Variants in GPC6 observed in about 807,000 individuals in gnomAD.
GPC6 encodes the protein glypican-6.
A neutral mutation model predicts 55.2 loss-of-function variants in GPC6; 14 were observed. The ratio of observed to expected loss-of-function variants is 0.25; its 90% CI spans 0.17 to 0.40. The LOEUF (loss-of-function observed/expected upper bound fraction) is 0.40. Among genes scored for constraint, GPC6 ranks in the 10% least tolerant of loss-of-function variants. GPC6 has a pLI of 1.00. For synonymous variants in GPC6, 278 were observed against 259.6 expected (o/e 1.07, Z -0.68); for missense variants, 641 against 708.5 (o/e 0.90, Z 1.08).
intron 2 of GPC6, among the ~76,000 whole-genome samples, chr13:93,741,059 A>G (rs958506374): frequency 2.0e-5 from 3 of 151,838 alleles, no homozygotes; most frequent in Non-Finnish European, 4.4e-5. Context: ...AATATATCAC[A>G]AAGTTAGTTT....
chr13:93,798,364 A>G (rs1886266395), intron 2 of GPC6, among the ~76,000 whole-genome samples: 1 of 152,170 alleles, frequency 6.6e-6, no homozygotes, highest in South Asian at 2.1e-4. Context: ...TTTCAGCCAA[A>G]CAGGTGATAA....
chr13:93,965,689 C>G (rs1341780772), intron 3 of GPC6, among the ~76,000 whole-genome samples: 1 of 152,028 alleles, frequency 6.6e-6, no homozygotes, highest in Non-Finnish European at 1.5e-5. Context: ...ACTGCCAGTC[C>G]GTTATCTGCC....
chr13:93,547,407 T>C (rs1016296594), intron 2 of GPC6, among the ~76,000 whole-genome samples: 1 of 152,158 alleles, frequency 6.6e-6, no homozygotes, highest in South Asian at 2.1e-4. Context: ...ACTTACTTCT[T>C]GTATTATATC....
intron 6 of GPC6, among the ~76,000 whole-genome samples, chr13:94,380,126 T>C (rs1391235563): frequency 6.6e-6 from 1 of 152,210 alleles, no homozygotes; most frequent in African/African-American, 2.4e-5. Context: ...TCTGTGTATC[T>C]GGTTTAGATT....
rs142412661 is a variant in GPC6, at chr13:94,193,765, A to C, written c.878-92584A>C. ...GTCGTCATGCAGTGAAAGTTCTTTA[A>C]ATCTAGACCCCTTATCTCTTTCATG... On this transcript the variant is annotated intron_variant, in intron 4 of 8. Coordinates refer to ENST00000377047, the MANE Select transcript of GPC6 (RefSeq NM_005708.5). 7.2e-5 allele frequency among the ~76,000 whole-genome samples: 11 copies of C among 152,344 alleles called. No homozygotes were observed. In the East Asian group the frequency reaches 2.1e-3, roughly 29 times the overall value.
rs531357339 is a variant in GPC6, at chr13:93,828,451, C to T, written c.320-1703C>T. Among the ~76,000 whole-genome samples the T allele has an allele frequency of 4.6e-5, 7 of 152,118 alleles. No individual in the cohort carries two copies. In the South Asian group the frequency reaches 1.5e-3, roughly 32 times the overall value. On this transcript the variant is annotated intron_variant, in intron 2 of 8. Transcript: ENST00000377047. ...AAAAAGTATGAAATTCTCTTGATTTCCTAAAATGATAAGCAATATCAGCAT... is the reference window on the plus strand; with the variant it reads ...AAAAAGTATGAAATTCTCTTGATTTTCTAAAATGATAAGCAATATCAGCAT...
At chr13:94,292,262 C>CTAACCT (rs1875028235) in intron 5 of GPC6, among the ~76,000 whole-genome samples, 1 of 151,934 alleles carries the variant, frequency 6.6e-6, no homozygotes, top group African/African-American at 2.4e-5. Flanking sequence ...ATGCATAACC[C>CTAACCT]TAACCCTAAC....
At chr13:93,715,088 T>C (rs1286677407) in intron 2 of GPC6, among the ~76,000 whole-genome samples, 2 of 151,674 alleles carry the variant, frequency 1.3e-5, no homozygotes, top group African/African-American at 2.4e-5. Context: ...CAGTGCGGTC[T>C]TGTGACCTGT....
intron 4 of GPC6, among the ~76,000 whole-genome samples, chr13:94,146,552 T>C (rs897736136): frequency 2.0e-5 from 3 of 152,164 alleles, no homozygotes; most frequent in Non-Finnish European, 4.4e-5. Context: ...GGTTTCCAGA[T>C]AGCAGTGTTT....
At chr13:93,220,542 C>T in the GPC6 span, among the ~76,000 whole-genome samples, 1 of 152,188 alleles carries the variant, frequency 6.6e-6, no homozygotes, top group Non-Finnish European at 1.5e-5. Context: ...CTTACATTTA[C>T]ATATCTGATT....
intron 1 of GPC6, among the ~76,000 whole-genome samples, chr13:93,455,065 G>A (rs969187774): frequency 6.6e-6 from 1 of 152,158 alleles, no homozygotes; most frequent in African/African-American, 2.4e-5. Context: ...CGGCAGGGCC[G>A]GCCGGCTGCT....
At chr13:93,485,047 T>G (rs1297719152) in intron 1 of GPC6, among the ~76,000 whole-genome samples, 1 of 152,210 alleles carries the variant, frequency 6.6e-6, no homozygotes, top group African/African-American at 2.4e-5. Context: ...ATTTACAGCT[T>G]GATGTGATAA....
intron 1 of GPC6, among the ~76,000 whole-genome samples, chr13:93,522,946 T>A (rs988256258): frequency 6.6e-6 from 1 of 151,652 alleles, no homozygotes; most frequent in Non-Finnish European, 1.5e-5. Flanking sequence ...GAAAAAGCAG[T>A]TTGATGTCAG....
At chr13:93,543,777 T>G (rs1566414704) in intron 1 of GPC6, among the ~76,000 whole-genome samples, 1 of 152,168 alleles carries the variant, frequency 6.6e-6, no homozygotes, top group Non-Finnish European at 1.5e-5. Flanking sequence ...AGTGTTCCAG[T>G]AAACATGGGA....
At chr13:93,334,930 A>G (rs1421743304) in intron 1 of GPC6, among the ~76,000 whole-genome samples, 2 of 152,260 alleles carry the variant, frequency 1.3e-5, no homozygotes, top group Non-Finnish European at 2.9e-5. Context: ...TCAGATATTA[A>G]CTTTGAAAAT....
At chr13:93,417,986 A>T (rs575307353) in intron 1 of GPC6, among the ~76,000 whole-genome samples, 1 of 152,202 alleles carries the variant, frequency 6.6e-6, no homozygotes, top group South Asian at 2.1e-4. Context: ...TTCATACTTT[A>T]TAAGAATCGA....
At chr13:94,394,553 A>G (rs1210364758) in intron 7 of GPC6, among the ~76,000 whole-genome samples, 1 of 152,194 alleles carries the variant, frequency 6.6e-6, no homozygotes, top group African/African-American at 2.4e-5. Flanking sequence ...TATGTAAAGA[A>G]ACCAAATGTG....
intron 4 of GPC6, among the ~76,000 whole-genome samples, chr13:94,179,741 G>A (rs1888916793): frequency 6.6e-6 from 1 of 152,126 alleles, no homozygotes; most frequent in Non-Finnish European, 1.5e-5. Context: ...TTTTGCTTTT[G>A]ATTACAACTC....
intron 1 of GPC6, among the ~76,000 whole-genome samples, chr13:93,410,032 A>C (rs894418301): frequency 6.6e-6 from 1 of 152,204 alleles, no homozygotes; most frequent in African/African-American, 2.4e-5. Context: ...GCCTACATCC[A>C]AAGCTGGCTT....
Sources: gnomAD v4.1 joint callset for allele counts (sites outside exome capture counted in the v4.1 genomes callset) on GRCh38, gnomAD v4.1.1 for gene constraint, MANE v1.5 for transcripts, NCBI Gene and HGNC (gene_info 2026-07-23, HGNC 2026-07-21) for gene names.